Variants in PARP15 observed in about 807,000 individuals in gnomAD.
The protein encoded by PARP15 is protein mono-ADP-ribosyltransferase PARP15.
PARP15 carries 50 observed loss-of-function variants against 62.1 expected under a neutral mutation model. That is an observed-to-expected ratio of 0.81 (90% CI 0.64 to 1.02). The LOEUF is 1.02. PARP15 is among the 50% of genes least tolerant of loss of function. The pLI is 0.00. For synonymous variants in PARP15, 309 were observed against 293.1 expected (o/e 1.05, Z -0.55); for missense variants, 820 against 826.5 (o/e 0.99, Z 0.10).
At chr3:122,580,001 A>G (rs75937671) in intron 1 of PARP15, among the ~76,000 whole-genome samples, 6,720 of 62,052 alleles carry the variant, frequency 0.11, 744 homozygotes, top group African/African-American at 0.3. Flanking sequence ...AACTATATGT[A>G]TATATATATA....
chr3:122,632,177 G>A lies in PARP15; in HGVS notation c.1530G>A (p.Lys510=), dbSNP rs1937095891. ...EPGQSEYNTI[K]DKFTRTCSSY... ...GACAATCAGAATATAATACCATAAAGGACAAGTTCACCCGAACTTGTTCTT... is the reference window on the plus strand; with the variant it reads ...GACAATCAGAATATAATACCATAAAAGACAAGTTCACCCGAACTTGTTCTT... Residue 510 remains lysine, a synonymous_variant, in exon 10 of 12, where the codon AAG becomes AAA. Coordinates refer to ENST00000464300, the MANE Select transcript of PARP15 (RefSeq NM_001113523.3). The A allele has an allele frequency of 6.2e-7, 1 of 1,613,850 alleles. No homozygotes were observed. Among genetic ancestry groups the A allele is most frequent in the South Asian group, 1.1e-5 (1 of 91,068 alleles).
chr3:122,608,642 G>A (rs988867788), intron 2 of PARP15, among the ~76,000 whole-genome samples: 6 of 151,930 alleles, frequency 3.9e-5, no homozygotes, highest in South Asian at 4.1e-4. Context: ...CCTTTAAAAA[G>A]CCTTCACTCA....
chr3:122,633,672 T>G (rs527668297), intron 10 of PARP15, among the ~76,000 whole-genome samples: 2 of 152,172 alleles, frequency 1.3e-5, no homozygotes, highest in African/African-American at 4.8e-5. Flanking sequence ...AGATTATATA[T>G]TAATACAAAT....
chr3:122,617,379 T>G (rs1936049227), intron 6 of PARP15, among the ~76,000 whole-genome samples: 1 of 152,200 alleles, frequency 6.6e-6, no homozygotes. Flanking sequence ...TTTCTTTGCC[T>G]GTCAAACACC....
intron 1 of PARP15, among the ~76,000 whole-genome samples, chr3:122,600,707 A>G (rs1273559653): frequency 6.6e-6 from 1 of 152,138 alleles, no homozygotes; most frequent in Non-Finnish European, 1.5e-5. Context: ...CCTGTTTTTA[A>G]CAGTGAAAAG....
rs116695852 is a variant in PARP15 at position 122,604,576 on chromosome 3, C to T, written c.187-1360C>T. On this transcript the variant is annotated intron_variant, in intron 1 of 11. Transcript: ENST00000464300. Reference sequence around the variant, plus strand: ...CTACTAAAAATACAGAAAGTAGGGCCGGGTGTGGTGGCTCGCACCTGTAAT... The same window carrying T: ...CTACTAAAAATACAGAAAGTAGGGCTGGGTGTGGTGGCTCGCACCTGTAAT... 7.2e-3 allele frequency among the ~76,000 whole-genome samples: 1,091 copies of T among 151,682 alleles called. 16 individuals are homozygous for T. The highest frequency in any genetic ancestry group is 0.025 in the African/African-American group (1,014 of 41,328).
At chr3:122,598,684 C>T (rs549940032) in intron 1 of PARP15, among the ~76,000 whole-genome samples, 10 of 152,108 alleles carry the variant, frequency 6.6e-5, no homozygotes, top group Non-Finnish European at 1.0e-4. Flanking sequence ...ACAGCCAACT[C>T]TGATATGATA....
chr3:122,603,358 G>GA (rs1263457249), intron 1 of PARP15, among the ~76,000 whole-genome samples: 1 of 151,394 alleles, frequency 6.6e-6, no homozygotes, highest in Non-Finnish European at 1.5e-5. Context: ...AAGGAAGACC[G>GA]AAAAAAAATC....
At position 122,604,206 on chromosome 3, in the gene PARP15, T is replaced by C. The variant is rs185829543; in HGVS notation, c.187-1730T>C. Reference sequence around the variant, plus strand: ...AGCTAGTAGTTTGATTTTGATCAAATGATTTCATCCATCTGCACACTGGTT... The same window carrying C: ...AGCTAGTAGTTTGATTTTGATCAAACGATTTCATCCATCTGCACACTGGTT... On this transcript the variant is annotated intron_variant, in intron 1 of 11. Transcript: ENST00000464300. Among the ~76,000 whole-genome samples the C allele has an allele frequency of 7.9e-5, 12 of 152,364 alleles. No homozygotes were observed. In the East Asian group the frequency reaches 2.1e-3, roughly 27 times the overall value.
At chr3:122,580,202 C>T (rs1456628965) in intron 1 of PARP15, among the ~76,000 whole-genome samples, 1 of 151,396 alleles carries the variant, frequency 6.6e-6, no homozygotes, top group Non-Finnish European at 1.5e-5. Context: ...GTCCTCATGT[C>T]CTTACTGATT....
intron 1 of PARP15, among the ~76,000 whole-genome samples, chr3:122,603,120 G>A (rs749113168): frequency 6.6e-6 from 1 of 152,182 alleles, no homozygotes; most frequent in Non-Finnish European, 1.5e-5. Context: ...AGTGTTGTGT[G>A]TCTTTGGCCA....
intron 1 of PARP15, among the ~76,000 whole-genome samples, chr3:122,587,294 G>A (rs1056719343): frequency 5.3e-5 from 8 of 152,224 alleles, no homozygotes; most frequent in Non-Finnish European, 1.2e-4. Flanking sequence ...AAGTTGTCAA[G>A]TCATTTGGGT....
intron 1 of PARP15, among the ~76,000 whole-genome samples, chr3:122,592,821 G>A (rs1387263992): frequency 6.6e-6 from 1 of 152,092 alleles, no homozygotes; most frequent in Non-Finnish European, 1.5e-5. Context: ...ATTCAGTAAT[G>A]GTGGAGCTGG....
chr3:122,615,670 T>G, intron 4 of PARP15, 109 bp from the exon 5 acceptor site: 1 of 1,575,130 alleles, frequency 6.3e-7, no homozygotes, highest in Non-Finnish European at 8.6e-7. Flanking sequence ...GGAAATATTT[T>G]GAGAACTATT....
At chr3:122,596,576 A>G (rs973959784) in intron 1 of PARP15, among the ~76,000 whole-genome samples, 9 of 152,006 alleles carry the variant, frequency 5.9e-5, no homozygotes, top group African/African-American at 9.7e-5. Flanking sequence ...AATCCTGTTC[A>G]CCTTCAAGAT....
Position 122,577,694 on chromosome 3 carries a change from C to G in PARP15, c.27C>G (p.Ala9=). The change falls in exon 1 of 12, where the codon GCC becomes GCG. Residue 9 remains alanine (A), a synonymous_variant. Coordinates refer to ENST00000464300, the MANE Select transcript of PARP15 (RefSeq NM_001113523.3). Reference sequence around the variant, plus strand: ...TGGCTGCGCCAGGCCCCCTTCCTGCCGCTGCTCTGAGTCCAGGGGCTCCGA... The same window carrying G: ...TGGCTGCGCCAGGCCCCCTTCCTGCGGCTGCTCTGAGTCCAGGGGCTCCGA... MAAPGPLP[A]AALSPGAPTP... 5.2e-6 allele frequency: 8 copies of G among 1,551,522 alleles called. No individual in the cohort carries two copies. The South Asian group carries it at 9.5e-5, about 18-fold the overall frequency.
At position 122,626,849 on chromosome 3, in the gene PARP15, C is replaced by G. The variant is rs1430649519; in HGVS notation, c.1254C>G (p.Ile418Met). 1 of 1,611,030 alleles carries G rather than the reference C, an allele frequency of 6.2e-7. No homozygotes were observed. The highest frequency in any genetic ancestry group is 8.5e-7 in the Non-Finnish European group (1 of 1,179,266). Residue 418 changes from isoleucine (I) to methionine (M), a missense_variant, in exon 9 of 12, where the codon ATC becomes ATG. This residue lies in a region of PARP15 where 731 missense variants were observed against 727.7 expected (regional missense o/e 1.00). Coordinates refer to ENST00000464300, the MANE Select transcript of PARP15 (RefSeq NM_001113523.3). ...CAGGAAATGCCGGAAAAAACCCTAT[C>G]ACAGTTGCTGATAACATAATCGATG... ...IGTGNAGKNPITVADNIIDAI... is the reference protein window; with the variant it reads ...IGTGNAGKNPMTVADNIIDAI...
chr3:122,596,358 A>C (rs1934351645), intron 1 of PARP15, among the ~76,000 whole-genome samples: 1 of 29,738 alleles, frequency 3.4e-5, no homozygotes, highest in Non-Finnish European at 1.2e-4. Flanking sequence ...CCATCTCAAA[A>C]AAAAAAAAAA....
chr3:122,591,806 T>G (rs958382817), intron 1 of PARP15, among the ~76,000 whole-genome samples: 2 of 150,698 alleles, frequency 1.3e-5, no homozygotes, highest in Admixed American at 1.3e-4. Flanking sequence ...AGACTATAGC[T>G]TTCACCTTTC....
Sources: gnomAD v4.1 joint callset for allele counts (sites outside exome capture counted in the v4.1 genomes callset) on GRCh38, gnomAD v4.1.1 for gene constraint, gnomAD v4.1.1 regional missense constraint, MANE v1.5 for transcripts, NCBI Gene and HGNC (gene_info 2026-07-23, HGNC 2026-07-21) for gene names.